Variants in GATA4 observed in about 807,000 individuals in gnomAD.
GATA4 encodes the protein transcription factor GATA-4.
A neutral mutation model predicts 37.9 loss-of-function variants in GATA4; 7 were observed. That is an observed-to-expected ratio of 0.18 (90% CI 0.11 to 0.35). GATA4 has a LOEUF of 0.35. Ranked by LOEUF, GATA4 falls within the 10% of genes least tolerant of loss-of-function variation. The probability of loss-of-function intolerance (pLI) is 1.00; values close to 1 mark genes in which losing one functional copy is unlikely to be tolerated. For synonymous variants in GATA4, 372 were observed against 292.6 expected (o/e 1.27, Z -2.77); for missense variants, 647 against 653.0 (o/e 0.99, Z 0.10).
rs12458 is a variant in GATA4 at position 11,759,731 on chromosome 8, A to T, written c.*1256A>T. 0.35 allele frequency: 52,899 copies of T among 152,118 alleles called. 9,414 individuals are homozygous for T. The highest frequency in any genetic ancestry group is 0.54 in the East Asian group (2,777 of 5,174). 9.4% of individuals were successfully genotyped at this position (152,118 alleles called of 1,614,324 possible). A position where few individuals can be genotyped will look rare whatever the true frequency, so the allele number is the denominator to read the frequency against. ...TTTCTGCCCCTGATGCTGGAGCTCA[A>T]GGAGACTCCTTCCTCTTTCTCAGCA... On this transcript the variant is annotated 3_prime_UTR_variant, in exon 7 of 7. Coordinates refer to ENST00000532059, the MANE Select transcript of GATA4 (RefSeq NM_001308093.3).
rs1802218970 is a variant in GATA4 at position 11,749,993 on chromosome 8, T to C, written c.787-118T>C. 3 of 1,391,186 alleles carry C rather than the reference T, an allele frequency of 2.2e-6. No individual in the cohort carries two copies. The highest frequency in any genetic ancestry group is 3.0e-6 in the Non-Finnish European group (3 of 996,148). The allele number at this position is 1,391,186 out of a possible 1,614,324, so 86.2% of individuals were successfully genotyped here. A position where few individuals can be genotyped will look rare whatever the true frequency, so the allele number is the denominator to read the frequency against. ...CACAGGTCAGAGATCTCATGCAGGGTCGTTAGGGCCCAGCCCTGCCTCCCG... is the reference window on the plus strand; with the variant it reads ...CACAGGTCAGAGATCTCATGCAGGGCCGTTAGGGCCCAGCCCTGCCTCCCG... On this transcript the variant is annotated intron_variant, in intron 3 of 6. Coordinates refer to ENST00000532059, the MANE Select transcript of GATA4 (RefSeq NM_001308093.3). This position sits in a 1 kb window ranked among gnomAD's most constrained non-coding sequence, Gnocchi z 4.6.
intron 1 of GATA4, among the ~76,000 whole-genome samples, chr8:11,704,769 C>A (rs1799817973): frequency 6.6e-6 from 1 of 152,354 alleles, no homozygotes; most frequent in African/African-American, 2.4e-5. Context: ...CAGTGCCAGG[C>A]AGCTCCGCTG....
chr8:11,694,367 GTTGCC>G, intron 1 of GATA4: 1 of 367,070 alleles, frequency 2.7e-6, no homozygotes, highest in Non-Finnish European at 3.8e-6. Context: ...CCATTGAACC[GTTGCC>G]TGTTTCACTC....
At chr8:11,686,245 C>T (rs1389156326) in intron 1 of GATA4, among the ~76,000 whole-genome samples, 1 of 150,534 alleles carries the variant, frequency 6.6e-6, no homozygotes, top group Non-Finnish European at 1.5e-5. Flanking sequence ...TAATGTAGCA[C>T]ATCCCAGTCA....
At chr8:11,680,300 G>C (rs1238986196) in intron 1 of GATA4, among the ~76,000 whole-genome samples, 2 of 152,234 alleles carry the variant, frequency 1.3e-5, no homozygotes, top group Non-Finnish European at 2.9e-5. Flanking sequence ...AGCAGCGCGA[G>C]GCTCGGAAGA....
rs199915980 is a variant in GATA4 at position 11,756,931 on chromosome 8, C to G, written c.1001-4C>G. 494 of 1,614,114 alleles carry G rather than the reference C, an allele frequency of 3.1e-4. No individual in the cohort carries two copies. Among genetic ancestry groups the G allele is most frequent in the Non-Finnish European group, 3.8e-4 (454 of 1,180,052 alleles). On this transcript the variant is annotated splice_polypyrimidine_tract_variant and splice_region_variant and intron_variant, in intron 5 of 6. Transcript: ENST00000532059. ...TTGGGTGTGCTGACTCTGCTTCATT[C>G]CAGCTCCTTCAGGCAGTGAGAGCCT...
intron 2 of GATA4, among the ~76,000 whole-genome samples, chr8:11,739,761 G>A (rs889016287): frequency 3.0e-5 from 3 of 99,654 alleles, no homozygotes; most frequent in African/African-American, 1.4e-4. Context: ...AGCTTCTGTC[G>A]TGTGCGGAGG....
At chr8:11,690,125 C>T (rs1799263145), upstream of GATA4, among the ~76,000 whole-genome samples, 1 of 152,180 alleles carries the variant, frequency 6.6e-6, no homozygotes, top group African/African-American at 2.4e-5. Flanking sequence ...GCCAAAGGTA[C>T]CTGGTGCCAT....
rs185843389 is a variant in GATA4, at chr8:11,758,484, C to A, written c.*9C>A. ...ACATAATCACTGCGTAATCTTCCCT[C>A]TTCCCTCCTCAAATTCCTGCACGGA... On this transcript the variant is annotated 3_prime_UTR_variant, in exon 7 of 7. Coordinates refer to ENST00000532059, the MANE Select transcript of GATA4 (RefSeq NM_001308093.3). 2 of 1,614,070 alleles carry A rather than the reference C, an allele frequency of 1.2e-6. No individual in the cohort carries two copies. Among genetic ancestry groups the A allele is most frequent in the African/African-American group, 2.7e-5 (2 of 75,048 alleles).
chr8:11,757,077 G>A lies in GATA4; in HGVS notation c.1143G>A (p.Val381=), dbSNP rs1343754631. ...CTCACTACGGGCACAGCAGCTCCGT[G>A]TCCCAGGTACGCGCCATGGCTGGGG... is the stretch of plus-strand genomic sequence containing the variant. ...LSSHYGHSSS[V]SQTFSVSAMS... is the part of the protein sequence containing the mutation. Residue 381 remains valine (V), a synonymous_variant, in exon 6 of 7, where the codon GTG becomes GTA. Transcript: ENST00000532059. 6 of 1,614,030 alleles carry A rather than the reference G, an allele frequency of 3.7e-6. No homozygotes were observed. The highest frequency in any genetic ancestry group is 1.7e-5 in the Admixed American group (1 of 60,026).
At chr8:11,697,461 TG>T in intron 1 of GATA4, 2 of 707,262 alleles carry the variant, frequency 2.8e-6, no homozygotes, top group Non-Finnish European at 3.5e-6. Flanking sequence ...ACCTCCCAGC[TG>T]GGGAAGCGGT....
At chr8:11,691,436 G>T (rs2129977505), upstream of GATA4, among the ~76,000 whole-genome samples, 1 of 152,222 alleles carries the variant, frequency 6.6e-6, no homozygotes, top group Non-Finnish European at 1.5e-5. Context: ...TGGTAACTGG[G>T]ACTACAGGCA....
chr8:11,758,558 C>A lies in GATA4; in HGVS notation c.*83C>A. ...GAAGGAGGCCCTGGGCTCCCAGGGG[C>A]CGGCCTCCTCTGCCTGGTAATGACT... On this transcript the variant is annotated 3_prime_UTR_variant, in exon 7 of 7. Coordinates refer to ENST00000532059, the MANE Select transcript of GATA4 (RefSeq NM_001308093.3). The A allele has an allele frequency of 7.4e-7, 1 of 1,354,804 alleles. No individual in the cohort carries two copies. The highest frequency in any genetic ancestry group is 1.1e-6 in the Non-Finnish European group (1 of 946,218). 83.9% of individuals were successfully genotyped at this position (1,354,804 alleles called of 1,614,324 possible).
chr8:11,736,849 A>G (rs556028023), intron 2 of GATA4, among the ~76,000 whole-genome samples: 1 of 152,296 alleles, frequency 6.6e-6, no homozygotes, highest in African/African-American at 2.4e-5. Flanking sequence ...CTGGTCTAAC[A>G]CCTTCCTTTT....
At chr8:11,698,196 C>G (rs1799565186) in intron 1 of GATA4, among the ~76,000 whole-genome samples, 1 of 152,236 alleles carries the variant, frequency 6.6e-6, no homozygotes, top group South Asian at 2.1e-4. Context: ...CTTTCTCTGT[C>G]TCTGCTCTCT....
intron 2 of GATA4, among the ~76,000 whole-genome samples, chr8:11,724,997 C>A (rs1165534515): frequency 6.6e-6 from 1 of 152,240 alleles, no homozygotes; most frequent in Non-Finnish European, 1.5e-5. Flanking sequence ...TGTACACGGG[C>A]TGGGGGTGGG....
intron 2 of GATA4, among the ~76,000 whole-genome samples, chr8:11,713,785 C>T (rs1800307941): frequency 6.6e-6 from 1 of 152,218 alleles, no homozygotes; most frequent in Non-Finnish European, 1.5e-5. Flanking sequence ...TCATAAACTC[C>T]TGGGCGCTGG....
intron 1 of GATA4, chr8:11,680,713 C>T (rs561664263): frequency 1.0e-6 from 1 of 985,348 alleles, no homozygotes. Flanking sequence ...CCTCCAGCCG[C>T]TGCGCACGGA....
At chr8:11,710,850 G>A (rs1358461199) in intron 2 of GATA4, among the ~76,000 whole-genome samples, 2 of 152,150 alleles carry the variant, frequency 1.3e-5, no homozygotes, top group African/African-American at 2.4e-5. Flanking sequence ...CGCCGGGCGC[G>A]GTGTCTCACG....
Sources: gnomAD v4.1 joint callset for allele counts (sites outside exome capture counted in the v4.1 genomes callset) on GRCh38, gnomAD v4.1.1 for gene constraint, Gnocchi (gnomAD v3.1) non-coding constraint, MANE v1.5 for transcripts, NCBI Gene and HGNC (gene_info 2026-07-23, HGNC 2026-07-21) for gene names.